Variants in EDA observed in about 807,000 individuals in gnomAD.
EDA encodes ectodysplasin A.
A neutral mutation model predicts 23.6 loss-of-function variants in EDA; 2 were observed. The observed-to-expected ratio is 0.08, with a 90% CI of 0.03 to 0.27. The LOEUF is 0.27. EDA is among the 10% of genes least tolerant of loss of function. The pLI, the probability that EDA is intolerant of heterozygous loss-of-function variation, is 1.00. For synonymous variants in EDA, 131 were observed against 132.0 expected (o/e 0.99, Z 0.05); for missense variants, 229 against 324.2 (o/e 0.71, Z 2.26).
intron 1 of EDA, among the ~76,000 whole-genome samples, chrX:69,748,084 G>A (rs1353042326): frequency 1.8e-5 from 2 of 111,753 alleles, no homozygotes; most frequent in Non-Finnish European, 3.8e-5. Context: ...AAGGTGAGAA[G>A]CTGCTCAGCC....
At chrX:70,012,577 G>C (rs2147489814) in intron 2 of EDA, among the ~76,000 whole-genome samples, 1 of 112,766 alleles carries the variant, frequency 8.9e-6, no homozygotes, top group African/African-American at 3.2e-5. Flanking sequence ...ATTAGCACTT[G>C]TGGGAAATGT....
intron 1 of EDA, among the ~76,000 whole-genome samples, chrX:69,634,032 T>C (rs1932703676): frequency 8.9e-6 from 1 of 112,355 alleles, no homozygotes; most frequent in African/African-American, 3.2e-5. Context: ...CTTGTTGTGA[T>C]CTTTTTTATT....
At chrX:69,751,838 G>C (rs1443852120) in intron 1 of EDA, among the ~76,000 whole-genome samples, 1 of 108,187 alleles carries the variant, frequency 9.2e-6, no homozygotes, top group Non-Finnish European at 1.9e-5. Flanking sequence ...GTCTGTTATA[G>C]GAATTCTGTT....
At chrX:69,860,448 C>T (rs921234101) in intron 1 of EDA, among the ~76,000 whole-genome samples, 2 of 111,575 alleles carry the variant, frequency 1.8e-5, no homozygotes, top group East Asian at 5.6e-4. Context: ...TCAGCATTTG[C>T]TTGTCTGAAA....
At chrX:69,640,784 C>G (rs886107773) in intron 1 of EDA, among the ~76,000 whole-genome samples, 6 of 111,468 alleles carry the variant, frequency 5.4e-5, no homozygotes, top group Non-Finnish European at 1.1e-4. Flanking sequence ...TGTACTAACA[C>G]CAGGCCTGGC....
chrX:69,737,981 G>C (rs1377135147), intron 1 of EDA, among the ~76,000 whole-genome samples: 1 of 111,056 alleles, frequency 9.0e-6, no homozygotes, highest in African/African-American at 3.3e-5. Flanking sequence ...TAATTTGGCT[G>C]CCTTTAGCAT....
chrX:69,915,809 C>T (rs914501311), intron 1 of EDA, among the ~76,000 whole-genome samples: 1 of 110,619 alleles, frequency 9.0e-6, no homozygotes, highest in African/African-American at 3.3e-5. Flanking sequence ...GGAGGAAGTG[C>T]AGGGTGCTAT....
At chrX:69,989,437 A>C (rs1490012900) in intron 2 of EDA, among the ~76,000 whole-genome samples, 1 of 111,520 alleles carries the variant, frequency 9.0e-6, no homozygotes, top group East Asian at 2.8e-4. Flanking sequence ...AAAAAGATTA[A>C]ATAGAATCCA....
intron 1 of EDA, among the ~76,000 whole-genome samples, chrX:69,702,399 G>A (rs1245413404): frequency 9.0e-6 from 1 of 110,594 alleles, no homozygotes; most frequent in African/African-American, 3.3e-5. Context: ...GGAGGAGAAT[G>A]GGTACAGACA....
chrX:69,658,826 G>A (rs6624428), intron 1 of EDA, among the ~76,000 whole-genome samples: 11,051 of 111,186 alleles, frequency 0.099, 1,094 homozygotes, highest in East Asian at 0.7. Flanking sequence ...TTTAAGCTGC[G>A]CAGATCAACC....
chrX:69,800,961 G>A lies in EDA; in HGVS notation c.397-156066G>A, dbSNP rs138455468. 3.2e-4 allele frequency among the ~76,000 whole-genome samples: 36 copies of A among 111,331 alleles called. 1 individual carries two copies. The highest frequency in any genetic ancestry group is 6.2e-4 in the Non-Finnish European group (33 of 53,033). On this transcript the variant is annotated intron_variant, in intron 1 of 7. Transcript: ENST00000374552. Reference sequence around the variant, plus strand: ...TATAATACTTGGAAGGTCATGCACAGTTCAAATTAGATTTAGGGAGTGCCT... The same window carrying A: ...TATAATACTTGGAAGGTCATGCACAATTCAAATTAGATTTAGGGAGTGCCT...
At chrX:69,652,828 A>C (rs1239481796) in intron 1 of EDA, among the ~76,000 whole-genome samples, 2 of 112,003 alleles carry the variant, frequency 1.8e-5, no homozygotes. Context: ...TTCATTTCAT[A>C]TGATTTATTA....
chrX:69,987,299 AATTTTTTT>A (rs1295766617), intron 2 of EDA, among the ~76,000 whole-genome samples: 2,058 of 93,138 alleles, frequency 0.022, 76 homozygotes, highest in African/African-American at 0.076. Flanking sequence ...TAAAAAAAAA[AATTTTTTT>A]TTTTAAAAAT....
chrX:69,954,011 C>G (rs1359790271), intron 1 of EDA, among the ~76,000 whole-genome samples: 2 of 111,272 alleles, frequency 1.8e-5, no homozygotes, highest in Admixed American at 9.5e-5. Flanking sequence ...AACCCGTATG[C>G]TTAAAATTTG....
chrX:69,788,187 A>T (rs1161704510), intron 1 of EDA, among the ~76,000 whole-genome samples: 1 of 111,459 alleles, frequency 9.0e-6, no homozygotes, highest in African/African-American at 3.3e-5. Flanking sequence ...CTAGTTATAC[A>T]TTCTTCTAAA....
rs1556026049 is a variant in EDA, at chrX:69,888,978, T to TATATATATATA, written c.397-68049_397-68048insATATATATATA. Reference sequence around the variant, plus strand: ...GTGGAATTGTTGTATTGTGGGGTAGTTATATATATATATATATATATATAT... The same window carrying TATATATATATA: ...GTGGAATTGTTGTATTGTGGGGTAGTATATATATATATATATATATATATATATATATATAT... On this transcript the variant is annotated intron_variant, in intron 1 of 7. Coordinates refer to ENST00000374552, the MANE Select transcript of EDA (RefSeq NM_001399.5). Among the ~76,000 whole-genome samples the TATATATATATA allele has an allele frequency of 8.2e-3, 131 of 16,013 alleles. 15 individuals carry two copies. The highest frequency in any genetic ancestry group is 0.011 in the South Asian group (2 of 177). 13.9% of individuals were successfully genotyped at this position (16,013 alleles called of 115,157 possible).
intron 1 of EDA, among the ~76,000 whole-genome samples, chrX:69,894,408 C>T (rs1483670944): frequency 9.0e-6 from 1 of 111,298 alleles, no homozygotes; most frequent in Non-Finnish European, 1.9e-5. Context: ...TGGTTCCAAA[C>T]GAATATTTAA....
chrX:69,646,905 A>G (rs1932938521), intron 1 of EDA, among the ~76,000 whole-genome samples: 1 of 111,676 alleles, frequency 9.0e-6, no homozygotes, highest in South Asian at 3.7e-4. Flanking sequence ...AATGAATTCC[A>G]GCTTTTTCTT....
intron 1 of EDA, among the ~76,000 whole-genome samples, chrX:69,757,536 C>G (rs2014161873): frequency 1.8e-5 from 2 of 112,260 alleles, no homozygotes; most frequent in Admixed American, 1.9e-4. Context: ...TAATGTAGTT[C>G]ATATCTCTTT....
Sources: allele counts gnomAD v4.1 joint callset (sites outside exome capture counted in the v4.1 genomes callset), GRCh38; gene constraint gnomAD v4.1.1; transcripts MANE v1.5; gene names NCBI Gene and HGNC (gene_info 2026-07-23, HGNC 2026-07-21).